The following BLTP1 variants were observed in gnomAD, a reference collection of about 807,000 sequenced individuals.
The protein encoded by BLTP1 is bridge-like lipid transfer protein family member 1.
chr4:122,250,993 A>C, the BLTP1 span: 1 of 985,030 alleles, frequency 1.0e-6, no homozygotes, highest in Non-Finnish European at 1.2e-6. Context: ...TCTGAATGGC[A>C]CCTTATATTC....
chr4:122,255,083 C>T, the BLTP1 span: 10 of 1,542,428 alleles, frequency 6.5e-6, 1 homozygote, highest in South Asian at 1.1e-4. Flanking sequence ...TATTTGTAGG[C>T]TCTTTCATAC....
the BLTP1 span, chr4:122,316,860 G>T: frequency 6.4e-7 from 1 of 1,573,936 alleles, no homozygotes; most frequent in Non-Finnish European, 8.6e-7. Context: ...TAGATGATCT[G>T]AAGTATGTAC....
At chr4:122,220,416 C>T in the BLTP1 span, 1 of 1,611,872 alleles carries the variant, frequency 6.2e-7, no homozygotes, top group Non-Finnish European at 8.5e-7. Flanking sequence ...TTAGGGAGAC[C>T]ATGCTGCAAC....
chr4:122,271,709 A>G, the BLTP1 span: 1 of 1,570,124 alleles, frequency 6.4e-7, no homozygotes, highest in Non-Finnish European at 8.6e-7. Context: ...GTCTTCAGAA[A>G]CATTTGGACC....
chr4:122,330,533 G>A, the BLTP1 span, among the ~76,000 whole-genome samples: 1 of 151,836 alleles, frequency 6.6e-6, no homozygotes, highest in African/African-American at 2.4e-5. Flanking sequence ...GGAGAAATGT[G>A]TACTTAAGTT....
chr4:122,181,437 A>G, the BLTP1 span: 1 of 152,586 alleles, frequency 6.6e-6, no homozygotes, highest in African/African-American at 2.4e-5. Flanking sequence ...CTATTCAGGC[A>G]TATGCCCCAA....
chr4:122,196,809 A>G, the BLTP1 span: 1 of 1,254,614 alleles, frequency 8.0e-7, no homozygotes, highest in Non-Finnish European at 1.1e-6. Flanking sequence ...TTATAATAAT[A>G]TAGTAGAAAA....
chr4:122,316,916 A>T, the BLTP1 span: 1 of 1,238,620 alleles, frequency 8.1e-7, no homozygotes, highest in Non-Finnish European at 1.1e-6. Context: ...TAGAATCATA[A>T]GATGTTAAAA....
chr4:122,281,588 C>G, the BLTP1 span: 5 of 1,612,122 alleles, frequency 3.1e-6, no homozygotes, highest in Non-Finnish European at 3.4e-6. Flanking sequence ...TGAAAAAACC[C>G]CAACAAGTGT....
the BLTP1 span, among the ~76,000 whole-genome samples, chr4:122,236,265 A>G: frequency 6.6e-6 from 1 of 152,196 alleles, no homozygotes; most frequent in African/African-American, 2.4e-5. Flanking sequence ...AGTGTGCACA[A>G]GTTATTTTAA....
chr4:122,169,947 A>G, the BLTP1 span: 20,139 of 985,100 alleles, frequency 0.02, 1,332 homozygotes, highest in African/African-American at 0.21. Flanking sequence ...TGGCTTTGGG[A>G]CAAGTCTGGA....
At chr4:122,152,903 C>T in the BLTP1 span, 6 of 741,378 alleles carry the variant, frequency 8.1e-6, no homozygotes, top group African/African-American at 1.2e-4. Flanking sequence ...CGTGCACCCG[C>T]AGGCTCGGAC....
At chr4:122,159,260 G>A in the BLTP1 span, among the ~76,000 whole-genome samples, 4 of 151,964 alleles carry the variant, frequency 2.6e-5, no homozygotes, top group African/African-American at 4.8e-5. Flanking sequence ...TCAGGAGATC[G>A]AGACCATCCT....
the BLTP1 span, chr4:122,293,340 G>T: frequency 1.7e-5 from 4 of 232,244 alleles, no homozygotes; most frequent in Admixed American, 2.6e-4. Flanking sequence ...TTCTTGCTTT[G>T]GGAGGGACTA....
chr4:122,305,650 C>T, the BLTP1 span: 12 of 953,948 alleles, frequency 1.3e-5, no homozygotes, highest in South Asian at 4.9e-4. Flanking sequence ...CTCATCCTAA[C>T]TTTTATATAA....
At chr4:122,300,965 G>A in the BLTP1 span, 2 of 983,660 alleles carry the variant, frequency 2.0e-6, no homozygotes, top group Non-Finnish European at 1.2e-6. Context: ...ACCACCAGGG[G>A]CTCTGCAACA....
At chr4:122,344,399 C>A in the BLTP1 span, 2 of 1,613,668 alleles carry the variant, frequency 1.2e-6, no homozygotes, top group South Asian at 2.2e-5. Flanking sequence ...GGATGAGGAG[C>A]CCACTTCAGT....
the BLTP1 span, chr4:122,215,385 G>T: frequency 3.0e-6 from 3 of 984,696 alleles, no homozygotes; most frequent in Non-Finnish European, 3.6e-6. Flanking sequence ...CTGTTGGCTA[G>T]GATCATTAAA....
At chr4:122,246,400 T>C in the BLTP1 span, 2 of 1,147,118 alleles carry the variant, frequency 1.7e-6, no homozygotes, top group Non-Finnish European at 2.4e-6. Flanking sequence ...GAACAGTGTG[T>C]AATATTAAAA....
Sources: allele counts gnomAD v4.1 joint callset (sites outside exome capture counted in the v4.1 genomes callset), GRCh38; gene constraint gnomAD v4.1.1; transcripts MANE v1.5; gene names NCBI Gene and HGNC (gene_info 2026-07-23, HGNC 2026-07-21).